METTL2A: variants seen among roughly 807,000 people sequenced by gnomAD.
METTL2A encodes the protein methyltransferase 2A, tRNA N3-cytidine.
A neutral mutation model predicts 49.4 loss-of-function variants in METTL2A; 45 were observed. The ratio of observed to expected loss-of-function variants is 0.91; its 90% CI spans 0.72 to 1.17. METTL2A has a LOEUF of 1.17. Ranked by LOEUF, METTL2A falls within the 50% of genes most tolerant of loss-of-function variation. METTL2A has a pLI of 0.00. For synonymous variants in METTL2A, 118 were observed against 167.5 expected (o/e 0.70, Z 2.28); for missense variants, 361 against 462.2 (o/e 0.78, Z 2.01).
chr17:62,450,900 C>T lies in METTL2A; in HGVS notation c.*2171C>T, dbSNP rs1009255872. The T allele has an allele frequency of 1.1e-4, 17 of 152,130 alleles. No homozygotes were observed. The highest frequency in any genetic ancestry group is 4.1e-4 in the African/African-American group (17 of 41,438). The allele number at this position is 152,130 out of a possible 1,614,324, so 9.4% of individuals were successfully genotyped here. The stretch of plus-strand genomic sequence containing the variant: ...ATAATAAATTTATATAGGAATACTG[C>T]AAGAATAGTCCATTTTTTTCTGATG... On this transcript the variant is annotated 3_prime_UTR_variant, in exon 9 of 9. Coordinates refer to ENST00000311506, the MANE Select transcript of METTL2A (RefSeq NM_181725.4).
In METTL2A at chr17:62,449,768, C is replaced by G; in HGVS notation, c.*1039C>G. On this transcript the variant is annotated 3_prime_UTR_variant, in exon 9 of 9. Coordinates refer to ENST00000311506, the MANE Select transcript of METTL2A (RefSeq NM_181725.4). ...CATGGAATTTTAAGCATTGTTCCCC[C>G]TCTAACCTGTGTCTAAAGAATTAAA... 5.9e-6 allele frequency: 1 copy of G among 169,002 alleles called. No individual in the cohort carries two copies. The highest frequency in any genetic ancestry group is 1.3e-5 in the Non-Finnish European group (1 of 78,342). 10.5% of individuals were successfully genotyped at this position (169,002 alleles called of 1,614,324 possible).
chr17:62,446,324 T>C (rs112461318), intron 7 of METTL2A, among the ~76,000 whole-genome samples: 2,999 of 151,886 alleles, frequency 0.02, 122 homozygotes, highest in African/African-American at 0.068. Context: ...AGCCTTTTTT[T>C]TTTTGAGACG....
At position 62,452,084 on chromosome 17, in the gene METTL2A, A is replaced by C. The variant is rs1162739165; in HGVS notation, c.*3355A>C. 6.6e-6 allele frequency among the ~76,000 whole-genome samples: 1 copy of C among 152,178 alleles called. No homozygotes were observed. Among genetic ancestry groups the C allele is most frequent in the African/African-American group, 2.4e-5 (1 of 41,448 alleles). On this transcript the variant is annotated 3_prime_UTR_variant, in exon 9 of 9. Coordinates refer to ENST00000311506, the MANE Select transcript of METTL2A (RefSeq NM_181725.4). ...AAATAAAAAACAAAAAAAATGTAAA[A>C]AATAAATAATTGTATTGAATTTATT...
At chr17:62,447,011 A>G (rs977456020) in intron 7 of METTL2A, among the ~76,000 whole-genome samples, 2 of 152,320 alleles carry the variant, frequency 1.3e-5, no homozygotes, top group African/African-American at 4.8e-5. Flanking sequence ...ACAATATCTG[A>G]GTTGTATTTA....
In METTL2A at chr17:62,426,621, T is replaced by C. The variant is rs1347136995; in HGVS notation, c.525T>C (p.Phe175=). Residue 175 remains phenylalanine (F), a synonymous_variant, in exon 3 of 9, where the codon TTT becomes TTC. Coordinates refer to ENST00000311506, the MANE Select transcript of METTL2A (RefSeq NM_181725.4). The stretch of plus-strand genomic sequence containing the variant: ...ACCTGGAAATTTGTGCTGATGAGTT[T>C]CCTGGATCCTCAGCCACCTACCGAA... ...ISDLEICADE[F]PGSSATYRIL... The C allele has an allele frequency of 1.3e-6, 2 of 1,541,106 alleles. No individual in the cohort carries two copies. Among genetic ancestry groups the C allele is most frequent in the South Asian group, 2.3e-5 (2 of 85,498 alleles).
intron 5 of METTL2A, 109 bp downstream of exon 5, chr17:62,435,401 C>T (rs374088694): frequency 1.5e-5 from 22 of 1,495,762 alleles, no homozygotes; most frequent in Admixed American, 5.5e-5. Context: ...TGTGTTCTTA[C>T]GGTCTAAAAG....
chr17:62,429,595 G>A lies in METTL2A; in HGVS notation c.608+1758G>A, dbSNP rs1183072498. Among the ~76,000 whole-genome samples, 8 of 151,702 alleles carry A rather than the reference G, an allele frequency of 5.3e-5. No homozygotes were observed. In the East Asian group the frequency reaches 7.8e-4, roughly 15 times the overall value. On this transcript the variant is annotated intron_variant, in intron 4 of 8. Transcript: ENST00000311506. ...TGTGAGCCACCGCGCCCAGCCTGCT[G>A]AGGAAATTCTTAAGGTTTTTGGAAC...
intron 8 of METTL2A, among the ~76,000 whole-genome samples, 190 bp downstream of exon 8, chr17:62,447,956 C>T (rs112617124): frequency 0.018 from 2,696 of 152,300 alleles, 67 homozygotes; most frequent in African/African-American, 0.062. Context: ...ACTGGGGCCC[C>T]CAGGCAGCCC....
At chr17:62,427,179 C>T (rs941498714) in intron 3 of METTL2A, among the ~76,000 whole-genome samples, 11 of 152,066 alleles carry the variant, frequency 7.2e-5, no homozygotes, top group African/African-American at 2.4e-4. Context: ...GGACTGCGCA[C>T]GTTACTGGAA....
At chr17:62,446,257 G>A (rs2070767925) in intron 7 of METTL2A, among the ~76,000 whole-genome samples, 1 of 151,368 alleles carries the variant, frequency 6.6e-6, no homozygotes, top group Non-Finnish European at 1.5e-5. Flanking sequence ...GGGTCCACCC[G>A]CCTTGGCCTC....
chr17:62,433,252 G>A (rs974081632), intron 4 of METTL2A, among the ~76,000 whole-genome samples: 2 of 152,042 alleles, frequency 1.3e-5, no homozygotes, highest in African/African-American at 2.4e-5. Flanking sequence ...TGGCTAACAT[G>A]GCAAAACCCC....
In METTL2A at chr17:62,451,076, A is replaced by G. The variant is rs2070802948; in HGVS notation, c.*2347A>G. Among the ~76,000 whole-genome samples the G allele has an allele frequency of 6.6e-6, 1 of 151,882 alleles. No homozygotes were observed. Among genetic ancestry groups the G allele is most frequent in the Non-Finnish European group, 1.5e-5 (1 of 67,990 alleles). On this transcript the variant is annotated 3_prime_UTR_variant, in exon 9 of 9. Coordinates refer to ENST00000311506, the MANE Select transcript of METTL2A (RefSeq NM_181725.4). ...TTGGCTGGGCACAGTGGCTCCTGTAATCCTAGCATTTTGGGAGCCCAAGGC... is the reference window on the plus strand; with the variant it reads ...TTGGCTGGGCACAGTGGCTCCTGTAGTCCTAGCATTTTGGGAGCCCAAGGC...
In METTL2A at chr17:62,448,771, C is replaced by T. The variant is rs764552958; in HGVS notation, c.*42C>T. Reference sequence around the variant, plus strand: ...ACACGATGCAAGCCCATTGTGTTTCCGGGCTTTTTTAAAAAAAAAATTGTA... The same window carrying T: ...ACACGATGCAAGCCCATTGTGTTTCTGGGCTTTTTTAAAAAAAAAATTGTA... On this transcript the variant is annotated 3_prime_UTR_variant, in exon 9 of 9. Coordinates refer to ENST00000311506, the MANE Select transcript of METTL2A (RefSeq NM_181725.4). 22 of 1,602,106 alleles carry T rather than the reference C, an allele frequency of 1.4e-5. No individual in the cohort carries two copies. In the South Asian group the frequency reaches 1.4e-4, roughly 11 times the overall value.
intron 5 of METTL2A, among the ~76,000 whole-genome samples, chr17:62,437,042 C>T (rs2070705331): frequency 6.6e-6 from 1 of 151,566 alleles, no homozygotes; most frequent in African/African-American, 2.4e-5. Context: ...GATAAGGATG[C>T]TGGTTTAAAA....
At chr17:62,447,898 G>T in intron 8 of METTL2A, 132 bp downstream of exon 8, 1 of 1,541,094 alleles carries the variant, frequency 6.5e-7, no homozygotes, top group South Asian at 1.3e-5. Flanking sequence ...GTTCCCTGCT[G>T]CTCACACCCT....
At chr17:62,433,987 A>C (rs112217145) in intron 4 of METTL2A, among the ~76,000 whole-genome samples, 1 of 152,258 alleles carries the variant, frequency 6.6e-6, no homozygotes, top group African/African-American at 2.4e-5. Flanking sequence ...ACTTGAACCC[A>C]GGAGGCAAAG....
At chr17:62,432,559 GGA>G (rs2070672628) in intron 4 of METTL2A, among the ~76,000 whole-genome samples, 1 of 151,970 alleles carries the variant, frequency 6.6e-6, no homozygotes, top group Admixed American at 6.6e-5. Flanking sequence ...CAGCACTTTG[GGA>G]GGCCAAGACG....
At chr17:62,444,144 A>C (rs1293206685) in intron 6 of METTL2A, among the ~76,000 whole-genome samples, 1 of 152,210 alleles carries the variant, frequency 6.6e-6, no homozygotes, top group Non-Finnish European at 1.5e-5. Flanking sequence ...AGGTCTAATG[A>C]TGCAGGCAGA....
Position 62,426,598 on chromosome 17 carries a change from C to A in METTL2A, c.502C>A (p.Leu168Met). 1 of 1,553,092 alleles carries A rather than the reference C, an allele frequency of 6.4e-7. No individual in the cohort carries two copies. Among genetic ancestry groups the A allele is most frequent in the Non-Finnish European group, 8.8e-7 (1 of 1,137,160 alleles). ...GAATGTAACTCAGAAAATTAGTGAC[C>A]TGGAAATTTGTGCTGATGAGTTTCC... ...EENVTQKISD[L>M]EICADEFPGS... The change falls in exon 3 of 9, where the codon CTG becomes ATG. Residue 168 changes from leucine (L) to methionine (M), a missense_variant. Physicochemically the swap from Leu to Met is conservative, Grantham distance 15. Transcript: ENST00000311506.
Sources: allele counts gnomAD v4.1 joint callset (sites outside exome capture counted in the v4.1 genomes callset), GRCh38; gene constraint gnomAD v4.1.1; transcripts MANE v1.5; gene names NCBI Gene and HGNC (gene_info 2026-07-23, HGNC 2026-07-21).